The following SNAP91 variants were observed in gnomAD, a reference collection of about 807,000 sequenced individuals.
The protein encoded by SNAP91 is clathrin coat assembly protein AP180.
SNAP91 carries 27 observed loss-of-function variants against 100.3 expected under a neutral mutation model. That is an observed-to-expected ratio of 0.27 (90% CI 0.20 to 0.37). SNAP91 has a LOEUF of 0.37. SNAP91 is among the 10% of genes least tolerant of loss of function. The pLI, the probability that SNAP91 is intolerant of heterozygous loss-of-function variation, is 1.00. For missense variants in SNAP91, 986 were observed against 1,123.7 expected (o/e 0.88, Z 1.75); for synonymous variants, 404 against 398.6 (o/e 1.01, Z -0.16).
intron 25 of SNAP91, 70 bp downstream of exon 25, chr6:83,575,953 A>G (rs1818005493): frequency 2.5e-6 from 2 of 804,108 alleles, no homozygotes; most frequent in Admixed American, 6.4e-5. Context: ...CAATGAGTAA[A>G]ATGGTTGATA....
chr6:83,697,324 G>GCGCACA lies in SNAP91; in HGVS notation c.130+10473_130+10474insTGTGCG, dbSNP rs71549562. ...GTATCCAACTCTAAAGAAAATAGCT[G>GCGCACA]CACACACACACACACACACACACAC... On this transcript the variant is annotated intron_variant, in intron 2 of 29. Transcript: ENST00000369694. 2.9e-5 allele frequency among the ~76,000 whole-genome samples: 4 copies of GCGCACA among 138,150 alleles called. No individual in the cohort carries two copies. The East Asian group carries it at 8.6e-4, about 30-fold the overall frequency. 90.6% of individuals were successfully genotyped at this position (138,150 alleles called of 152,430 possible). A position where few individuals can be genotyped will look rare whatever the true frequency, so the allele number is the denominator to read the frequency against.
At position 83,553,606 on chromosome 6, in the gene SNAP91, TAGC is replaced by T. The variant is rs1267491930; in HGVS notation, c.*687_*689del. The T allele has an allele frequency of 1.3e-5, 2 of 152,066 alleles. No homozygotes were observed. The highest frequency in any genetic ancestry group is 4.8e-5 in the African/African-American group (2 of 41,440). 9.4% of individuals were successfully genotyped at this position (152,066 alleles called of 1,614,324 possible). Reference sequence around the variant, plus strand: ...TAATTAAAATATATATATTTTAATATAGCAGTGATAAATAGGGGATTCTTCCCA... The same window carrying T: ...TAATTAAAATATATATATTTTAATATAGTGATAAATAGGGGATTCTTCCCA... On this transcript the variant is annotated 3_prime_UTR_variant, in exon 30 of 30. Coordinates refer to ENST00000369694, the MANE Select transcript of SNAP91 (RefSeq NM_001242792.2).
intron 7 of SNAP91, among the ~76,000 whole-genome samples, chr6:83,653,842 G>T (rs1164231557): frequency 6.6e-6 from 1 of 152,000 alleles, no homozygotes; most frequent in Non-Finnish European, 1.5e-5. Context: ...AATGCTTCTT[G>T]GTTTTTCCTC....
chr6:83,612,511 T>C (rs1375169397), intron 11 of SNAP91, among the ~76,000 whole-genome samples: 1 of 152,174 alleles, frequency 6.6e-6, no homozygotes, highest in Non-Finnish European at 1.5e-5. Context: ...TTAAATTAAT[T>C]TGTTTCTCTC....
intron 26 of SNAP91, among the ~76,000 whole-genome samples, chr6:83,561,303 C>G (rs1787251043): frequency 6.6e-6 from 1 of 152,148 alleles, no homozygotes; most frequent in South Asian, 2.1e-4. Context: ...CCTTGGCCTC[C>G]CAAAATGCTG....
chr6:83,665,160 G>T (rs1335014943), intron 3 of SNAP91, among the ~76,000 whole-genome samples: 1 of 151,930 alleles, frequency 6.6e-6, no homozygotes, highest in African/African-American at 2.4e-5. Context: ...CTCGCTTATT[G>T]CAATATTAGC....
At chr6:83,601,226 T>G in intron 16 of SNAP91, 45 bp downstream of exon 16, 1 of 1,601,452 alleles carries the variant, frequency 6.2e-7, no homozygotes, top group Non-Finnish European at 8.5e-7. Flanking sequence ...CCCAAGTAAT[T>G]TTAGCAATCC....
chr6:83,648,895 T>C (rs1344307487), intron 7 of SNAP91, among the ~76,000 whole-genome samples: 1 of 152,208 alleles, frequency 6.6e-6, no homozygotes, highest in Admixed American at 6.5e-5. Flanking sequence ...TGACTTGTAT[T>C]TTCATTCTTA....
rs781177152 is a variant in SNAP91, at chr6:83,658,999, A to G, written c.546T>C (p.Asp182=). 1.9e-6 allele frequency: 3 copies of G among 1,592,788 alleles called. No homozygotes were observed. Among genetic ancestry groups the G allele is most frequent in the Non-Finnish European group, 2.6e-6 (3 of 1,167,436 alleles). The change falls in exon 6 of 30, where the codon GAT becomes GAC. Residue 182 remains aspartate, a splice_region_variant and synonymous_variant. Coordinates refer to ENST00000369694, the MANE Select transcript of SNAP91 (RefSeq NM_001242792.2). ...AAACATTTTCTAGTGAGATACATACATCAAATTCAAGCAGTGCATCAATTT... is the reference window on the plus strand; with the variant it reads ...AAACATTTTCTAGTGAGATACATACGTCAAATTCAAGCAGTGCATCAATTT... ...QGQIDALLEF[D]VHPNELTNGV...
In SNAP91 at chr6:83,667,125, C is replaced by T. The variant is rs190734423; in HGVS notation, c.131-1544G>A. 7.2e-4 allele frequency among the ~76,000 whole-genome samples: 109 copies of T among 152,146 alleles called. 1 individual carries two copies. The highest frequency in any genetic ancestry group is 4.5e-3 in the Admixed American group (69 of 15,254). ...TATTTTCCAAATGACTAGCGCATAA[C>T]ATTACAAAATAACGCATGGGTAAAA... On this transcript the variant is annotated intron_variant, in intron 2 of 29. Transcript: ENST00000369694.
chr6:83,678,868 A>T (rs933455991), intron 2 of SNAP91: 1 of 1,246,618 alleles, frequency 8.0e-7, no homozygotes, highest in Non-Finnish European at 1.0e-6. Context: ...GTACCAAGGA[A>T]TACAACTTTA....
intron 2 of SNAP91, among the ~76,000 whole-genome samples, chr6:83,692,138 A>G (rs2099139043): frequency 6.6e-6 from 1 of 152,192 alleles, no homozygotes; most frequent in Non-Finnish European, 1.5e-5. Flanking sequence ...AAAGATACCT[A>G]TGAAAAGAAC....
chr6:83,663,679 A>C (rs1008056309), intron 3 of SNAP91, among the ~76,000 whole-genome samples: 3 of 152,168 alleles, frequency 2.0e-5, no homozygotes, highest in African/African-American at 7.2e-5. Flanking sequence ...TCCACAATAT[A>C]AAAGTACAAG....
chr6:83,609,637 G>A (rs1196778395), intron 12 of SNAP91, among the ~76,000 whole-genome samples: 3 of 152,116 alleles, frequency 2.0e-5, no homozygotes, highest in Non-Finnish European at 4.4e-5. Context: ...TGGTAAATGT[G>A]AACTACAGAC....
At chr6:83,663,968 C>A (rs1234445666) in intron 3 of SNAP91, among the ~76,000 whole-genome samples, 2 of 152,018 alleles carry the variant, frequency 1.3e-5, no homozygotes, top group African/African-American at 4.8e-5. Flanking sequence ...AAATCTAGGG[C>A]CCTTAAGAAT....
At chr6:83,668,541 G>A (rs1170002712) in intron 2 of SNAP91, among the ~76,000 whole-genome samples, 3 of 152,098 alleles carry the variant, frequency 2.0e-5, no homozygotes, top group Non-Finnish European at 2.9e-5. Flanking sequence ...GGACATGGAT[G>A]AAGCTGGAAA....
At chr6:83,576,480 A>G (rs868802835) in intron 24 of SNAP91, among the ~76,000 whole-genome samples, 1 of 152,196 alleles carries the variant, frequency 6.6e-6, no homozygotes, top group Non-Finnish European at 1.5e-5. Flanking sequence ...TGCAAGTCTG[A>G]AATTTTGGCA....
At chr6:83,577,240 A>G (rs1054285036) in intron 24 of SNAP91, among the ~76,000 whole-genome samples, 3 of 152,188 alleles carry the variant, frequency 2.0e-5, no homozygotes, top group Non-Finnish European at 4.4e-5. Flanking sequence ...TAATCAATGT[A>G]TTAGAGGATG....
intron 9 of SNAP91, among the ~76,000 whole-genome samples, chr6:83,620,888 T>A (rs1016951427): frequency 5.3e-5 from 8 of 150,710 alleles, no homozygotes; most frequent in African/African-American, 1.7e-4. Flanking sequence ...ATTTTTTGTA[T>A]TTTTTTTTAG....
Sources: allele counts gnomAD v4.1 joint callset (sites outside exome capture counted in the v4.1 genomes callset), GRCh38; gene constraint gnomAD v4.1.1; transcripts MANE v1.5; gene names NCBI Gene and HGNC (gene_info 2026-07-23, HGNC 2026-07-21).